Variants in DOCK4 observed in about 807,000 individuals in gnomAD.
DOCK4 encodes dedicator of cytokinesis protein 4.
A neutral mutation model predicts 268.1 loss-of-function variants in DOCK4; 97 were observed. The ratio of observed to expected loss-of-function variants is 0.36; its 90% CI spans 0.31 to 0.43. The LOEUF (loss-of-function observed/expected upper bound fraction) is 0.43. Ranked by LOEUF, DOCK4 falls within the 20% of genes least tolerant of loss-of-function variation. The pLI is 1.00. For synonymous variants in DOCK4, 954 were observed against 887.2 expected (o/e 1.08, Z -1.34); for missense variants, 2,145 against 2,455.7 (o/e 0.87, Z 2.67).
chr7:111,938,531 A>G (rs1311730358), intron 11 of DOCK4, among the ~76,000 whole-genome samples: 4 of 152,214 alleles, frequency 2.6e-5, no homozygotes, highest in African/African-American at 7.2e-5. Flanking sequence ...GTTGCTGTAT[A>G]TTAGGCCTCA....
At chr7:112,054,994 CTACAAACAG>C (rs1372622342) in intron 1 of DOCK4, among the ~76,000 whole-genome samples, 1 of 152,204 alleles carries the variant, frequency 6.6e-6, no homozygotes, top group African/African-American at 2.4e-5. Context: ...TATTCAATTT[CTACAAACAG>C]TATTTGTACA....
At chr7:111,742,451 C>A (rs1272896445) in intron 44 of DOCK4, among the ~76,000 whole-genome samples, 1 of 152,126 alleles carries the variant, frequency 6.6e-6, no homozygotes, top group Non-Finnish European at 1.5e-5. Flanking sequence ...CTTTTGGCCC[C>A]TTCCTTCTCT....
intron 1 of DOCK4, among the ~76,000 whole-genome samples, chr7:112,041,872 G>C (rs1002250416): frequency 2.0e-5 from 3 of 152,188 alleles, no homozygotes; most frequent in African/African-American, 7.2e-5. Flanking sequence ...TTTTGCATCA[G>C]ATAGCGTACT....
chr7:112,146,241 G>A (rs1815481038), intron 1 of DOCK4, among the ~76,000 whole-genome samples: 1 of 152,136 alleles, frequency 6.6e-6, no homozygotes, highest in African/African-American at 2.4e-5. Flanking sequence ...GTTGGCATGG[G>A]AGGAGTTTCA....
intron 35 of DOCK4, among the ~76,000 whole-genome samples, chr7:111,779,801 G>T (rs1477773459): frequency 6.6e-6 from 1 of 152,226 alleles, no homozygotes; most frequent in Non-Finnish European, 1.5e-5. Flanking sequence ...ACATAAAAGT[G>T]AATGTAAATG....
At position 111,826,198 on chromosome 7, in the gene DOCK4, G is replaced by T. The variant is rs190527703; in HGVS notation, c.2836-3742C>A. Among the ~76,000 whole-genome samples the T allele has an allele frequency of 5.3e-5, 8 of 152,284 alleles. 1 individual carries two copies. Among genetic ancestry groups the T allele is most frequent in the Non-Finnish European group, 8.8e-5 (6 of 68,012 alleles). On this transcript the variant is annotated intron_variant, in intron 26 of 52. Transcript: ENST00000428084. ...CTGAAGGTCAGGTATTCCACACAGA[G>T]GGAACAACACCTGTAGGCCTCAGAA...
intron 17 of DOCK4, 26 bp downstream of exon 17, chr7:111,877,004 C>G: frequency 2.1e-6 from 3 of 1,438,132 alleles, no homozygotes; most frequent in Non-Finnish European, 2.8e-6. Context: ...GGTACTAGGG[C>G]TTTCAAATAA....
chr7:112,062,756 T>C (rs1806542108), intron 1 of DOCK4, among the ~76,000 whole-genome samples: 1 of 152,202 alleles, frequency 6.6e-6, no homozygotes, highest in Admixed American at 6.5e-5. Flanking sequence ...CTCGGCTCAC[T>C]GCAACCTCCA....
At chr7:111,962,286 G>A (rs1796964237) in intron 8 of DOCK4, among the ~76,000 whole-genome samples, 2 of 152,180 alleles carry the variant, frequency 1.3e-5, no homozygotes, top group African/African-American at 4.8e-5. Context: ...TAGGTTAGGT[G>A]TATTTCCTGT....
chr7:111,747,287 C>T lies in DOCK4; in HGVS notation c.4573G>A (p.Gly1525Ser), dbSNP rs1319288081. The T allele has an allele frequency of 6.2e-7, 1 of 1,612,970 alleles. No homozygotes were observed. The highest frequency in any genetic ancestry group is 2.2e-5 in the East Asian group (1 of 44,858). The part of the protein sequence containing the change: ...NGVIDAAVNG[G>S]VSRYQEAFFV... ...CTTACCTCTTGATACCTGGAAACGC[C>T]ACCATTAACTGCAGCATCTATAACT... The change falls in exon 43 of 53, where the codon GGC becomes AGC. Residue 1525 changes from glycine to serine, a missense_variant. By Grantham distance (56) the Gly-to-Ser change is moderately conservative. Around this residue, in one of 2 missense-constraint regions of DOCK4, gnomAD observed 1,598 missense variants for 1,986.7 expected, o/e 0.80. Coordinates refer to ENST00000428084, the MANE Select transcript of DOCK4 (RefSeq NM_001363540.2).
At chr7:112,180,420 T>C (rs1818922152) in intron 1 of DOCK4, among the ~76,000 whole-genome samples, 1 of 152,210 alleles carries the variant, frequency 6.6e-6, no homozygotes, top group Non-Finnish European at 1.5e-5. Flanking sequence ...CAACCTGCCA[T>C]CTGCCAGGCA....
chr7:111,964,675 C>G (rs1797242483), intron 8 of DOCK4, among the ~76,000 whole-genome samples: 1 of 124,130 alleles, frequency 8.1e-6, no homozygotes, highest in African/African-American at 3.4e-5. Context: ...GCAAGGCAGG[C>G]CAACGTTCAG....
At chr7:112,139,800 T>C (rs1814722030) in intron 1 of DOCK4, among the ~76,000 whole-genome samples, 1 of 152,184 alleles carries the variant, frequency 6.6e-6, no homozygotes, top group Non-Finnish European at 1.5e-5. Flanking sequence ...ATAGGAGGTT[T>C]GAAGAGGGCA....
chr7:112,192,073 G>A (rs1460824949), intron 1 of DOCK4, among the ~76,000 whole-genome samples: 1 of 146,640 alleles, frequency 6.8e-6, no homozygotes, highest in Non-Finnish European at 1.5e-5. Context: ...TTGTGTGTGT[G>A]TATATATATA....
chr7:111,839,589 C>A (rs567291035), intron 25 of DOCK4, among the ~76,000 whole-genome samples: 1 of 152,298 alleles, frequency 6.6e-6, no homozygotes, highest in South Asian at 2.1e-4. Context: ...TTTGTCATAT[C>A]TGACTTATGC....
chr7:112,184,019 A>G (rs1383543660), intron 1 of DOCK4, among the ~76,000 whole-genome samples: 1 of 151,818 alleles, frequency 6.6e-6, no homozygotes, highest in Non-Finnish European at 1.5e-5. Flanking sequence ...CTTTTATCAC[A>G]CCACCTTGCC....
chr7:111,863,693 T>C, intron 22 of DOCK4, 129 bp from the exon 23 acceptor site: 2 of 1,008,364 alleles, frequency 2.0e-6, no homozygotes, highest in Non-Finnish European at 2.8e-6. Flanking sequence ...GAAATGTTTC[T>C]GTTACCTAAA....
chr7:111,939,614 G>A (rs1284663946), intron 11 of DOCK4, among the ~76,000 whole-genome samples: 3 of 151,898 alleles, frequency 2.0e-5, no homozygotes, highest in African/African-American at 4.8e-5. Context: ...GGTCATCGCC[G>A]AGATAGGATT....
chr7:111,877,059 A>G lies in DOCK4; in HGVS notation c.1715T>C (p.Phe572Ser), dbSNP rs370813959. ...ATKESFCITS[F>S]LCSTKLTQNG... Reference sequence around the variant, plus strand: ...TTGTGTGAGTTTTGTGGAACAGAGAAAAGATGTAATACAAAAGGACTCCTT... The same window carrying G: ...TTGTGTGAGTTTTGTGGAACAGAGAGAAGATGTAATACAAAAGGACTCCTT... Residue 572 changes from phenylalanine (F) to serine (S), a missense_variant, in exon 17 of 53, where the codon TTT becomes TCT. Around this residue, in one of 2 missense-constraint regions of DOCK4, gnomAD observed 1,598 missense variants for 1,986.7 expected, o/e 0.80. Coordinates refer to ENST00000428084, the MANE Select transcript of DOCK4 (RefSeq NM_001363540.2). The G allele has an allele frequency of 1.4e-4, 219 of 1,564,916 alleles. No homozygotes were observed. The highest frequency in any genetic ancestry group is 3.5e-4 in the South Asian group (29 of 82,500).
Sources: gnomAD v4.1 joint callset for allele counts (sites outside exome capture counted in the v4.1 genomes callset) on GRCh38, gnomAD v4.1.1 for gene constraint, gnomAD v4.1.1 regional missense constraint, MANE v1.5 for transcripts, NCBI Gene and HGNC (gene_info 2026-07-23, HGNC 2026-07-21) for gene names.